Variants in FABP12 observed in about 807,000 individuals in gnomAD.
FABP12 encodes fatty acid-binding protein 12.
FABP12 carries 19 observed loss-of-function variants against 13.7 expected under a neutral mutation model. The observed-to-expected ratio is 1.39, with a 90% CI of 0.97 to 2.04. The LOEUF is 2.04. FABP12 is among the 30% of genes most tolerant of loss of function. The probability of loss-of-function intolerance (pLI) is 0.00; values close to 1 mark genes in which losing one functional copy is unlikely to be tolerated. For synonymous variants in FABP12, 61 were observed against 57.0 expected, an observed-to-expected ratio of 1.07 and a Z score of -0.32; for missense variants, 182 against 164.2, an observed-to-expected ratio of 1.11 and a Z score of -0.59.
intron 1 of FABP12, among the ~76,000 whole-genome samples, chr8:81,555,360 T>C (rs564818799): frequency 3.1e-4 from 47 of 152,352 alleles, no homozygotes; most frequent in African/African-American, 1.1e-3. Flanking sequence ...TCAACATTTA[T>C]CCTAGAGTTT....
At chr8:81,586,967 G>A (rs1810249317) in intron 1 of FABP12, among the ~76,000 whole-genome samples, 1 of 152,106 alleles carries the variant, frequency 6.6e-6, no homozygotes, top group African/African-American at 2.4e-5. Flanking sequence ...GTTAATTTTT[G>A]TATATGGTGA....
In FABP12 at chr8:81,525,157, G is replaced by A. The variant is rs754539463; in HGVS notation, c.349-37C>T. ...AAGAAATATGAGGTATTTCAGTATA[G>A]TTAGTGAAATTAACATTTAGAAAAG... is the stretch of plus-strand genomic sequence containing the variant. On this transcript the variant is annotated intron_variant, in intron 4 of 4. Transcript: ENST00000360464. The A allele has an allele frequency of 6.1e-6, 8 of 1,307,596 alleles. No homozygotes were observed. The South Asian group carries it at 1.0e-4, about 17-fold the overall frequency. 81.0% of individuals were successfully genotyped at this position (1,307,596 alleles called of 1,614,324 possible). A position where few individuals can be genotyped will look rare whatever the true frequency, so the allele number is the denominator to read the frequency against.
chr8:81,540,870 T>C (rs1336432910), intron 1 of FABP12, among the ~76,000 whole-genome samples: 1 of 152,052 alleles, frequency 6.6e-6, no homozygotes, highest in African/African-American at 2.4e-5. Flanking sequence ...TATTTCAACA[T>C]TTAAAAACAA....
chr8:81,578,937 T>C lies in FABP12; in HGVS notation c.-185+11116A>G, dbSNP rs1293962380. On this transcript the variant is annotated intron_variant, in intron 1 of 5. Coordinates refer to the FABP12 transcript ENST00000692030. ...CCTCCCTCCCGGGTTCACGCCATTCTCCTGCCTCAGCCTCCGGAGTAGCTG... is the reference window on the plus strand; with the variant it reads ...CCTCCCTCCCGGGTTCACGCCATTCCCCTGCCTCAGCCTCCGGAGTAGCTG... 2.0e-5 allele frequency among the ~76,000 whole-genome samples: 3 copies of C among 147,084 alleles called. No homozygotes were observed. The East Asian group carries it at 6.3e-4, about 31-fold the overall frequency.
intron 4 of FABP12, among the ~76,000 whole-genome samples, chr8:81,525,541 G>T (rs557981617): frequency 6.6e-6 from 1 of 150,582 alleles, no homozygotes; most frequent in African/African-American, 2.5e-5. Context: ...TAGATAGATA[G>T]ATAGATAGAT....
chr8:81,552,410 G>A (rs534845734), intron 1 of FABP12, among the ~76,000 whole-genome samples: 63 of 152,216 alleles, frequency 4.1e-4, no homozygotes, highest in African/African-American at 1.3e-3. Context: ...GAGATTAAAT[G>A]GTACCCTAGG....
intron 1 of FABP12, among the ~76,000 whole-genome samples, 72 bp downstream of exon 1, chr8:81,533,730 A>G (rs1370901328): frequency 1.3e-5 from 2 of 152,110 alleles, no homozygotes; most frequent in Non-Finnish European, 2.9e-5. Flanking sequence ...CTGGGGCATG[A>G]TCTGAAGGAG....
chr8:81,528,872 G>C (rs1033582175), intron 3 of FABP12, among the ~76,000 whole-genome samples: 9 of 152,154 alleles, frequency 5.9e-5, no homozygotes, highest in African/African-American at 2.2e-4. Flanking sequence ...ACAGGTGGTA[G>C]TTGAACCTCT....
chr8:81,568,665 C>T (rs146878432), intron 1 of FABP12, among the ~76,000 whole-genome samples: 28 of 152,104 alleles, frequency 1.8e-4, no homozygotes, highest in East Asian at 1.4e-3. Context: ...GTATATCAGA[C>T]GTATCTACAC....
At chr8:81,585,758 TGTTTTATTG>T (rs1364456008) in intron 1 of FABP12, among the ~76,000 whole-genome samples, 3 of 152,214 alleles carry the variant, frequency 2.0e-5, no homozygotes, top group Non-Finnish European at 4.4e-5. Context: ...CTTTCATCAC[TGTTTTATTG>T]GTTTTTTTAA....
chr8:81,556,354 T>C (rs971748501), intron 1 of FABP12, among the ~76,000 whole-genome samples: 3 of 152,182 alleles, frequency 2.0e-5, no homozygotes, highest in African/African-American at 7.2e-5. Flanking sequence ...AAAAATACCT[T>C]CATTGACTGG....
intron 1 of FABP12, among the ~76,000 whole-genome samples, chr8:81,540,886 G>A (rs1809324711): frequency 6.6e-6 from 1 of 152,038 alleles, no homozygotes; most frequent in African/African-American, 2.4e-5. Flanking sequence ...AACAAATCAA[G>A]GCCAGGCACG....
intron 1 of FABP12, among the ~76,000 whole-genome samples, chr8:81,577,686 G>A (rs1050594952): frequency 3.3e-5 from 5 of 152,154 alleles, no homozygotes; most frequent in African/African-American, 7.2e-5. Context: ...GCTTGAACCC[G>A]GGAGGTGGAG....
chr8:81,546,063 C>T (rs1224419960), intron 1 of FABP12, among the ~76,000 whole-genome samples: 2 of 152,148 alleles, frequency 1.3e-5, no homozygotes, highest in Non-Finnish European at 2.9e-5. Flanking sequence ...CAATTAATGA[C>T]TTCATCATAC....
At chr8:81,533,479 T>C (rs1000622508) in intron 1 of FABP12, among the ~76,000 whole-genome samples, 2 of 152,164 alleles carry the variant, frequency 1.3e-5, no homozygotes, top group African/African-American at 4.8e-5. Context: ...CATGAGTATA[T>C]ATATGTTCCC....
rs113469921 is a variant in FABP12, at chr8:81,568,117, G to A, written c.-185+21936C>T. 1.5e-3 allele frequency among the ~76,000 whole-genome samples: 226 copies of A among 145,866 alleles called. 1 individual carries two copies. Among genetic ancestry groups the A allele is most frequent in the Middle Eastern group, 7.1e-3 (2 of 280 alleles). On this transcript the variant is annotated intron_variant, in intron 1 of 5. Transcript: ENST00000692030. ...CGCAGTCCCGCCTGGGCGACAGAGC[G>A]AGACTCCGTCTCAAAAAAAAAAAAA... is the stretch of plus-strand genomic sequence containing the variant.
chr8:81,533,660 A>G (rs912406812), intron 1 of FABP12, among the ~76,000 whole-genome samples, 142 bp downstream of exon 1: 1 of 152,200 alleles, frequency 6.6e-6, no homozygotes, highest in African/African-American at 2.4e-5. Flanking sequence ...TGACTGGTAC[A>G]TTAAACATGC....
intron 1 of FABP12, among the ~76,000 whole-genome samples, chr8:81,579,997 A>C (rs1446522351): frequency 6.6e-6 from 1 of 152,194 alleles, no homozygotes; most frequent in African/African-American, 2.4e-5. Flanking sequence ...ACTGGTTTAA[A>C]ATTTGTAAAA....
At chr8:81,576,674 G>A (rs1426046926) in intron 1 of FABP12, among the ~76,000 whole-genome samples, 3 of 152,112 alleles carry the variant, frequency 2.0e-5, no homozygotes, top group African/African-American at 4.8e-5. Flanking sequence ...TCAGTTAAAT[G>A]GATATGCTGT....
Sources: allele counts gnomAD v4.1 joint callset (sites outside exome capture counted in the v4.1 genomes callset), GRCh38; gene constraint gnomAD v4.1.1; transcripts MANE v1.5; gene names NCBI Gene and HGNC (gene_info 2026-07-23, HGNC 2026-07-21).